RFTN1: variants seen among roughly 807,000 people sequenced by gnomAD.
RFTN1 encodes raftlin.
In RFTN1, 26 loss-of-function variants were observed where a neutral mutation model predicts 46.5. That is an observed-to-expected ratio of 0.56 (90% CI 0.41 to 0.78). The LOEUF (loss-of-function observed/expected upper bound fraction) is 0.78. Ranked by LOEUF, RFTN1 falls within the 30% of genes least tolerant of loss-of-function variation. The pLI is 0.00. For synonymous variants in RFTN1, 261 were observed against 284.2 expected (o/e 0.92, Z 0.82); for missense variants, 693 against 718.7 (o/e 0.96, Z 0.41).
Position 16,440,980 on chromosome 3 carries a change from G to C in RFTN1, c.146-6943C>G, listed in dbSNP as rs554948159. Among the ~76,000 whole-genome samples the C allele has an allele frequency of 6.6e-6, 1 of 152,200 alleles. No individual in the cohort carries two copies. The highest frequency in any genetic ancestry group is 1.9e-4 in the East Asian group (1 of 5,176). On this transcript the variant is annotated intron_variant, in intron 2 of 9. Transcript: ENST00000334133. The surrounding 1 kb of genome is among the most constrained non-coding windows in gnomAD (Gnocchi z 4.6). ...TCTGTTCATCCCACATCATCACAAGGTACATCAAAAGCTTCAAGGACACAT... is the reference window on the plus strand; with the variant it reads ...TCTGTTCATCCCACATCATCACAAGCTACATCAAAAGCTTCAAGGACACAT...
chr3:16,332,698 G>A (rs569505338), intron 7 of RFTN1, among the ~76,000 whole-genome samples: 53 of 152,236 alleles, frequency 3.5e-4, no homozygotes, highest in African/African-American at 9.4e-4. Context: ...CACCCTTCTC[G>A]TCCAGGTTGT....
At chr3:16,409,554 G>T in intron 3 of RFTN1, 71 bp from the exon 4 acceptor site, 1 of 1,099,596 alleles carries the variant, frequency 9.1e-7, no homozygotes. Flanking sequence ...TCTCACTCTT[G>T]TCACCCAGGC....
At chr3:16,419,524 T>C (rs925790337) in intron 3 of RFTN1, among the ~76,000 whole-genome samples, 3 of 152,102 alleles carry the variant, frequency 2.0e-5, no homozygotes, top group African/African-American at 7.2e-5. Flanking sequence ...TTGGTGGTGG[T>C]TGTGGGCAGG....
At chr3:16,510,121 C>T (rs558137564) in intron 1 of RFTN1, among the ~76,000 whole-genome samples, 1 of 152,170 alleles carries the variant, frequency 6.6e-6, no homozygotes, top group Non-Finnish European at 1.5e-5. Flanking sequence ...TGTTGACAGG[C>T]CATGTTTCTC....
Position 16,322,022 on chromosome 3 carries a change from G to A in RFTN1, c.1332+1354C>T, listed in dbSNP as rs61129840. Among the ~76,000 whole-genome samples the A allele has an allele frequency of 0.033, 5,072 of 152,286 alleles. 146 individuals are homozygous for A. The highest frequency in any genetic ancestry group is 0.11 in the East Asian group (564 of 5,174). On this transcript the variant is annotated intron_variant, in intron 9 of 9. Coordinates refer to ENST00000334133, the MANE Select transcript of RFTN1 (RefSeq NM_015150.2). This position sits in a 1 kb window ranked among gnomAD's most constrained non-coding sequence, Gnocchi z 6.2. ...CCATCTCCCTCTGTAAGGCTGCAGC[G>A]GGTGTCTGTCAGCATCTGACAGGGG...
intron 1 of RFTN1, among the ~76,000 whole-genome samples, chr3:16,497,407 T>A (rs1053558730): frequency 6.6e-6 from 1 of 152,248 alleles, no homozygotes; most frequent in Non-Finnish European, 1.5e-5. Context: ...ATAAAGCCAC[T>A]GTGTATACAT....
chr3:16,326,940 G>A (rs1404561102), intron 7 of RFTN1, 64 bp from the exon 8 acceptor site: 14 of 1,259,106 alleles, frequency 1.1e-5, no homozygotes, highest in Non-Finnish European at 1.6e-5. Context: ...GCAATGAGAG[G>A]GGACTATTCA....
chr3:16,446,182 T>C lies in RFTN1; in HGVS notation c.146-12145A>G, dbSNP rs1378405758. Among the ~76,000 whole-genome samples, 1 of 151,852 alleles carries C rather than the reference T, an allele frequency of 6.6e-6. No homozygotes were observed. Among genetic ancestry groups the C allele is most frequent in the Non-Finnish European group, 1.5e-5 (1 of 67,986 alleles). ...TGGATGGTGAACTCTGGGGTCCCCA[T>C]ATTCCCTGGGCCCTAAAGCAGATTA... On this transcript the variant is annotated intron_variant, in intron 2 of 9. Transcript: ENST00000334133. The surrounding 1 kb of genome is among the most constrained non-coding windows in gnomAD (Gnocchi z 4.5).
chr3:16,473,403 T>C lies in RFTN1; in HGVS notation c.145+20322A>G, dbSNP rs1467511603. On this transcript the variant is annotated intron_variant, in intron 2 of 9. Coordinates refer to ENST00000334133, the MANE Select transcript of RFTN1 (RefSeq NM_015150.2). This position sits in a 1 kb window ranked among gnomAD's most constrained non-coding sequence, Gnocchi z 5.3. ...AATACTCTGTTTTCTTTCTTTTTTC[T>C]TTTTTTTTTTTTCCTGAGATAGAGT... Among the ~76,000 whole-genome samples, 2 of 118,650 alleles carry C rather than the reference T, an allele frequency of 1.7e-5. No individual in the cohort carries two copies. The highest frequency in any genetic ancestry group is 3.3e-5 in the Non-Finnish European group (2 of 59,774). The allele number at this position is 118,650 out of a possible 152,430, so 77.8% of individuals were successfully genotyped here.
intron 3 of RFTN1, among the ~76,000 whole-genome samples, chr3:16,419,519 G>A (rs1416273317): frequency 6.6e-6 from 1 of 152,128 alleles, no homozygotes; most frequent in Non-Finnish European, 1.5e-5. Flanking sequence ...TGCAATTGGT[G>A]GTGGTTGTGG....
rs1483881296 is a variant in RFTN1, at chr3:16,327,299, C to T, written c.1147-423G>A. On this transcript the variant is annotated intron_variant, in intron 7 of 9. Transcript: ENST00000334133. This position sits in a 1 kb window ranked among gnomAD's most constrained non-coding sequence, Gnocchi z 4.2. Reference sequence around the variant, plus strand: ...ACTTACATTTGACAAATGATCAAGTCGTTTATGTCCAGCCACAGCAACACA... The same window carrying T: ...ACTTACATTTGACAAATGATCAAGTTGTTTATGTCCAGCCACAGCAACACA... Among the ~76,000 whole-genome samples, 1 of 152,118 alleles carries T rather than the reference C, an allele frequency of 6.6e-6. No individual in the cohort carries two copies. Among genetic ancestry groups the T allele is most frequent in the African/African-American group, 2.4e-5 (1 of 41,412 alleles).
chr3:16,393,594 C>T (rs537627756), intron 4 of RFTN1, among the ~76,000 whole-genome samples: 23 of 151,732 alleles, frequency 1.5e-4, no homozygotes, highest in Non-Finnish European at 3.2e-4. Flanking sequence ...CAAGATGCTT[C>T]TTGGGGAAAA....
chr3:16,476,027 G>A (rs1290228875), intron 2 of RFTN1, among the ~76,000 whole-genome samples: 2 of 152,230 alleles, frequency 1.3e-5, no homozygotes, highest in African/African-American at 4.8e-5. Flanking sequence ...TTGAAAATGT[G>A]CAGGAGGATA....
intron 4 of RFTN1, among the ~76,000 whole-genome samples, chr3:16,397,472 G>C (rs2074495963): frequency 6.6e-6 from 1 of 152,144 alleles, no homozygotes; most frequent in Admixed American, 6.5e-5. Context: ...CTGGAAATTT[G>C]CTGAGAGATT....
rs1193821831 is a variant in RFTN1, at chr3:16,356,688, G to T, written c.1146+1244C>A. Among the ~76,000 whole-genome samples, 1 of 152,168 alleles carries T rather than the reference G, an allele frequency of 6.6e-6. No homozygotes were observed. The highest frequency in any genetic ancestry group is 1.5e-5 in the Non-Finnish European group (1 of 68,028). On this transcript the variant is annotated intron_variant, in intron 7 of 9. Coordinates refer to ENST00000334133, the MANE Select transcript of RFTN1 (RefSeq NM_015150.2). The surrounding 1 kb of genome is among the most constrained non-coding windows in gnomAD (Gnocchi z 4.9). ...TGTGGCAAGCACTGGCTGTCTAGAG[G>T]GTCCCAGTGCCCCACACTCCTCACA...
Position 16,507,664 on chromosome 3 carries a change from A to G in RFTN1, c.-9+5778T>C, listed in dbSNP as rs946557090. Among the ~76,000 whole-genome samples, 30 of 151,234 alleles carry G rather than the reference A, an allele frequency of 2.0e-4. No individual in the cohort carries two copies. The highest frequency in any genetic ancestry group is 7.1e-4 in the African/African-American group (29 of 40,872). On this transcript the variant is annotated intron_variant, in intron 1 of 9. Coordinates refer to ENST00000334133, the MANE Select transcript of RFTN1 (RefSeq NM_015150.2). The surrounding 1 kb of genome is among the most constrained non-coding windows in gnomAD (Gnocchi z 7.1). The stretch of plus-strand genomic sequence containing the variant: ...CACATCCACAAACACGCACATACAT[A>G]CACACACAATGCACATAAACACACA...
At position 16,449,825 on chromosome 3, in the gene RFTN1, G is replaced by C. The variant is rs2075794323; in HGVS notation, c.146-15788C>G. Among the ~76,000 whole-genome samples the C allele has an allele frequency of 6.6e-6, 1 of 152,164 alleles. No homozygotes were observed. Among genetic ancestry groups the C allele is most frequent in the Non-Finnish European group, 1.5e-5 (1 of 68,020 alleles). On this transcript the variant is annotated intron_variant, in intron 2 of 9. Transcript: ENST00000334133. This position sits in a 1 kb window ranked among gnomAD's most constrained non-coding sequence, Gnocchi z 5.1. ...GCACTGAACTCCACTACAGGCTGCT[G>C]AAGTACTTGTGGAAAGGGATGTGAG...
At chr3:16,502,616 C>A (rs1008900824) in intron 1 of RFTN1, among the ~76,000 whole-genome samples, 2 of 152,168 alleles carry the variant, frequency 1.3e-5, no homozygotes, top group African/African-American at 4.8e-5. Context: ...CTAGATCTCT[C>A]GTTCTGGGGG....
chr3:16,359,819 T>C (rs2072711863), intron 6 of RFTN1, among the ~76,000 whole-genome samples: 1 of 152,156 alleles, frequency 6.6e-6, no homozygotes, highest in African/African-American at 2.4e-5. Context: ...ATGTGACCTT[T>C]TTTTTTTCAT....
Sources: gnomAD v4.1 joint callset for allele counts (sites outside exome capture counted in the v4.1 genomes callset) on GRCh38, gnomAD v4.1.1 for gene constraint, Gnocchi (gnomAD v3.1) non-coding constraint, MANE v1.5 for transcripts, NCBI Gene and HGNC (gene_info 2026-07-23, HGNC 2026-07-21) for gene names.